Variants in TTLL5 observed in about 807,000 individuals in gnomAD.
TTLL5 encodes the protein tubulin tyrosine ligase like 5, also known as tubulin polyglutamylase TTLL5.
Under a neutral mutation model 168.4 loss-of-function variants are expected in TTLL5, and 132 were observed. That is an observed-to-expected ratio of 0.78 (90% CI 0.68 to 0.91). The LOEUF is 0.91. Ranked by LOEUF, TTLL5 falls within the 40% of genes least tolerant of loss-of-function variation. The pLI, the probability that TTLL5 is intolerant of heterozygous loss-of-function variation, is 0.00. For synonymous variants in TTLL5, 546 were observed against 558.6 expected (o/e 0.98, Z 0.32); for missense variants, 1,545 against 1,581.5 (o/e 0.98, Z 0.39).
chr14:75,766,067 A>G lies in TTLL5; in HGVS notation c.1714A>G (p.Thr572Ala). ...RAMRPKYPVI[T>A]QPAEMNVKTE... is the part of the protein sequence containing the mutation. ...TAGTGATTCTTCGTATTTAGTGATT[A>G]CCCAACCAGCTGAAATGAATGTTAA... Residue 572 changes from threonine to alanine, a missense_variant, in exon 20 of 32, where the codon ACC becomes GCC. Physicochemically the swap from Thr to Ala is moderately conservative, Grantham distance 58. Coordinates refer to ENST00000298832, the MANE Select transcript of TTLL5 (RefSeq NM_015072.5). The G allele has an allele frequency of 6.2e-7, 1 of 1,610,230 alleles. No homozygotes were observed. The highest frequency in any genetic ancestry group is 1.3e-5 in the African/African-American group (1 of 74,774).
chr14:75,781,724 G>A (rs1458309984), intron 24 of TTLL5, among the ~76,000 whole-genome samples: 1 of 152,148 alleles, frequency 6.6e-6, no homozygotes, highest in Non-Finnish European at 1.5e-5. Flanking sequence ...GGAAGCTGAG[G>A]CAGGTGGATC....
intron 28 of TTLL5, among the ~76,000 whole-genome samples, chr14:75,822,130 C>T (rs949965971): frequency 2.0e-5 from 3 of 152,234 alleles, no homozygotes; most frequent in African/African-American, 4.8e-5. Context: ...GCCAGACCTG[C>T]AGCATACAAC....
At chr14:75,705,650 G>T (rs952617530) in intron 7 of TTLL5, among the ~76,000 whole-genome samples, 1 of 152,198 alleles carries the variant, frequency 6.6e-6, no homozygotes, top group African/African-American at 2.4e-5. Flanking sequence ...AAATAATCCT[G>T]TGAACAGACT....
At chr14:75,741,065 T>G (rs182732776) in intron 15 of TTLL5, among the ~76,000 whole-genome samples, 1 of 152,348 alleles carries the variant, frequency 6.6e-6, no homozygotes, top group East Asian at 1.9e-4. Flanking sequence ...AACATCTGTT[T>G]CTTACTACTT....
intron 27 of TTLL5, among the ~76,000 whole-genome samples, chr14:75,811,349 G>T (rs1894012226): frequency 6.6e-6 from 1 of 151,708 alleles, no homozygotes. Flanking sequence ...TTATCTGTCT[G>T]TCCCTATCTT....
At chr14:75,754,244 A>G (rs1198892041) in intron 18 of TTLL5, among the ~76,000 whole-genome samples, 2 of 152,130 alleles carry the variant, frequency 1.3e-5, no homozygotes, top group Non-Finnish European at 2.9e-5. Flanking sequence ...TATTTCATGG[A>G]TGTAATGTCT....
At chr14:75,696,200 C>T (rs954608386) in intron 6 of TTLL5, among the ~76,000 whole-genome samples, 7 of 152,054 alleles carry the variant, frequency 4.6e-5, no homozygotes, top group Non-Finnish European at 8.8e-5. Context: ...CTAGCCTGGT[C>T]GTTTCCTTAG....
intron 30 of TTLL5, among the ~76,000 whole-genome samples, chr14:75,885,049 C>T (rs891320182): frequency 1.3e-5 from 2 of 151,408 alleles, no homozygotes; most frequent in African/African-American, 2.4e-5. Flanking sequence ...GGCAGGCACC[C>T]GAGTGGTACC....
chr14:75,741,587 A>G (rs548337746), intron 15 of TTLL5, among the ~76,000 whole-genome samples: 1 of 149,422 alleles, frequency 6.7e-6, no homozygotes, highest in South Asian at 2.1e-4. Context: ...CTTGACACTC[A>G]TAAGCATTTA....
chr14:75,933,275 T>A (rs561343182), intron 31 of TTLL5, among the ~76,000 whole-genome samples: 1 of 151,806 alleles, frequency 6.6e-6, no homozygotes, highest in Non-Finnish European at 1.5e-5. Flanking sequence ...TGGACAAGAG[T>A]GAGACCTCAT....
At chr14:75,932,456 G>GT (rs539691854) in intron 31 of TTLL5, among the ~76,000 whole-genome samples, 35 of 152,286 alleles carry the variant, frequency 2.3e-4, no homozygotes, top group Non-Finnish European at 4.0e-4. Context: ...TCACGATGGA[G>GT]TTTTTTGCTG....
intron 28 of TTLL5, among the ~76,000 whole-genome samples, chr14:75,824,507 A>G (rs1189864430): frequency 6.6e-6 from 1 of 152,174 alleles, no homozygotes; most frequent in Non-Finnish European, 1.5e-5. Flanking sequence ...CATTCATACG[A>G]AACATCTAAA....
chr14:75,864,260 G>A (rs1476245048), intron 29 of TTLL5, among the ~76,000 whole-genome samples: 1 of 152,042 alleles, frequency 6.6e-6, no homozygotes, highest in Non-Finnish European at 1.5e-5. Context: ...GATATACTTG[G>A]CATATGTGCG....
intron 27 of TTLL5, among the ~76,000 whole-genome samples, chr14:75,803,503 T>C (rs1204521321): frequency 6.6e-6 from 1 of 152,232 alleles, no homozygotes; most frequent in East Asian, 1.9e-4. Flanking sequence ...ACGTGTATAC[T>C]TGAAATATAA....
chr14:75,866,476 TA>T (rs2139960626), intron 29 of TTLL5, among the ~76,000 whole-genome samples: 1 of 152,330 alleles, frequency 6.6e-6, no homozygotes, highest in East Asian at 1.9e-4. Flanking sequence ...CATTCATCCA[TA>T]AAAGAGGCCT....
chr14:75,832,788 C>T (rs1160219697), intron 28 of TTLL5, among the ~76,000 whole-genome samples: 1 of 152,212 alleles, frequency 6.6e-6, no homozygotes, highest in East Asian at 1.9e-4. Flanking sequence ...TAGTTTGGCA[C>T]AGGTTTAAAG....
intron 11 of TTLL5, 35 bp downstream of exon 11, chr14:75,719,861 T>C: frequency 6.3e-7 from 1 of 1,587,576 alleles, no homozygotes; most frequent in Non-Finnish European, 8.6e-7. Context: ...TTGACTTCTC[T>C]TCTTTGGATA....
In TTLL5 at chr14:75,718,117, C is replaced by G. The variant is rs57838554; in HGVS notation, c.842+155C>G. On this transcript the variant is annotated intron_variant, in intron 10 of 31. Coordinates refer to ENST00000298832, the MANE Select transcript of TTLL5 (RefSeq NM_015072.5). ...TGTCAGTCATATAACAGTGTTGAGG[C>G]ATATCTCCTGCTGCTTCTCCATTGC... Among the ~76,000 whole-genome samples the G allele has an allele frequency of 5.2e-3, 787 of 152,294 alleles. 10 individuals carry two copies. Among genetic ancestry groups the G allele is most frequent in the African/African-American group, 0.018 (760 of 41,552 alleles).
intron 2 of TTLL5, 135 bp downstream of exon 2, chr14:75,663,358 C>A: frequency 1.1e-6 from 1 of 884,682 alleles, no homozygotes; most frequent in Non-Finnish European, 1.7e-6. Flanking sequence ...TGGGGATTAT[C>A]TAACTCTGGT....
Sources: allele counts gnomAD v4.1 joint callset (sites outside exome capture counted in the v4.1 genomes callset), GRCh38; gene constraint gnomAD v4.1.1; transcripts MANE v1.5; gene names NCBI Gene and HGNC (gene_info 2026-07-23, HGNC 2026-07-21).